CCDC40: variants seen among roughly 807,000 people sequenced by gnomAD.
CCDC40 encodes coiled-coil domain 40 molecular ruler complex subunit, also known as coiled-coil domain-containing protein 40.
CCDC40 carries 104 observed loss-of-function variants against 124.5 expected under a neutral mutation model. That is an observed-to-expected ratio of 0.84 (90% confidence interval 0.71 to 0.98). The LOEUF (loss-of-function observed/expected upper bound fraction) is 0.98. Among genes scored for constraint, CCDC40 ranks in the 50% least tolerant of loss-of-function variants. The probability of loss-of-function intolerance (pLI) is 0.00; values close to 1 mark genes in which losing one functional copy is unlikely to be tolerated. For missense variants in CCDC40, 1,463 were observed against 1,503.9 expected, an observed-to-expected ratio of 0.97 and a Z score of 0.45; for synonymous variants, 580 against 602.9, an observed-to-expected ratio of 0.96 and a Z score of 0.56.
At position 80,081,801 on chromosome 17, in the gene CCDC40, C is replaced by T; in HGVS notation, c.1806+12C>T. The T allele has an allele frequency of 6.2e-7, 1 of 1,613,878 alleles. No individual in the cohort carries two copies. The highest frequency in any genetic ancestry group is 8.5e-7 in the Non-Finnish European group (1 of 1,179,996). Reference sequence around the variant, plus strand: ...GCCAGGACCAGCTGGTGAGGCCGGGCCCGCCCCACAGGTCACACCTGGCGC... The same window carrying T: ...GCCAGGACCAGCTGGTGAGGCCGGGTCCGCCCCACAGGTCACACCTGGCGC... On this transcript the variant is annotated intron_variant, in intron 11 of 19. Coordinates refer to ENST00000397545, the MANE Select transcript of CCDC40 (RefSeq NM_017950.4).
chr17:80,087,212 G>A lies in CCDC40; in HGVS notation c.2450-395G>A. On this transcript the variant is annotated intron_variant, in intron 14 of 19. Coordinates refer to ENST00000397545, the MANE Select transcript of CCDC40 (RefSeq NM_017950.4). The surrounding 1 kb of genome is among the most constrained non-coding windows in gnomAD (Gnocchi z 4.5). ...TGAGCTTGGCTGGGGCAGGGCAGGGGTCTAAGGGCCTCCCTCTCCTGGAGA... is the reference window on the plus strand; with the variant it reads ...TGAGCTTGGCTGGGGCAGGGCAGGGATCTAAGGGCCTCCCTCTCCTGGAGA... 1 of 332,004 alleles carries A rather than the reference G, an allele frequency of 3.0e-6. No homozygotes were observed. The highest frequency in any genetic ancestry group is 5.9e-6 in the Non-Finnish European group (1 of 169,612). 20.6% of individuals were successfully genotyped at this position (332,004 alleles called of 1,614,324 possible).
chr17:80,051,628 CAAAAAAAAAAAAAAA>C (rs200887220), intron 7 of CCDC40, among the ~76,000 whole-genome samples: 16 of 94,136 alleles, frequency 1.7e-4, no homozygotes, highest in Admixed American at 8.2e-4. Context: ...GACTCCGTCT[CAAAAAAAAAAAAAAA>C]AAAAAAAAAA....
At chr17:80,037,417 C>G (rs1011772002) in intron 1 of CCDC40, among the ~76,000 whole-genome samples, 2 of 151,812 alleles carry the variant, frequency 1.3e-5, no homozygotes, top group Non-Finnish European at 2.9e-5. Flanking sequence ...AAAGGTGGGT[C>G]TGTATGTATT....
Position 80,087,666 on chromosome 17 carries a change from G to C in CCDC40, c.2509G>C (p.Asp837His). The C allele has an allele frequency of 6.2e-7, 1 of 1,614,046 alleles. No individual in the cohort carries two copies. The highest frequency in any genetic ancestry group is 8.5e-7 in the Non-Finnish European group (1 of 1,179,904). ...GATCGAGCACCACATGAAGGACCTG[G>C]ACAACGACCTGAAGAAGCTCAACAT... is the stretch of plus-strand genomic sequence containing the variant. ...KEIEHHMKDLDNDLKKLNMLM... is the reference protein window; with the variant it reads ...KEIEHHMKDLHNDLKKLNMLM... The change falls in exon 15 of 20, where the codon GAC (aspartate) becomes CAC (histidine). Residue 837 changes from aspartate (D) to histidine (H), a missense_variant. Transcript: ENST00000397545. This position sits in a 1 kb window ranked among gnomAD's most constrained non-coding sequence, Gnocchi z 4.5.
Position 80,036,711 on chromosome 17 carries a change from A to C in CCDC40, c.29+20A>C, listed in dbSNP as rs1008672106. ...GGGCCGGTAAGCCGGGCCGAGGGGC[A>C]GCGGGTCTTGGAGTCGCCAGGCCGC... On this transcript the variant is annotated intron_variant, in intron 1 of 19. Coordinates refer to ENST00000397545, the MANE Select transcript of CCDC40 (RefSeq NM_017950.4). The C allele has an allele frequency of 4.1e-6, 6 of 1,463,848 alleles. No homozygotes were observed. Among genetic ancestry groups the C allele is most frequent in the Non-Finnish European group, 5.4e-6 (6 of 1,108,736 alleles). 90.7% of individuals were successfully genotyped at this position (1,463,848 alleles called of 1,614,324 possible).
chr17:80,045,122 G>A (rs1249929560), intron 3 of CCDC40, among the ~76,000 whole-genome samples: 1 of 152,212 alleles, frequency 6.6e-6, no homozygotes, highest in Non-Finnish European at 1.5e-5. Context: ...CGGAAGTGCC[G>A]TGAGACGGTG....
chr17:80,047,276 T>C lies in CCDC40; in HGVS notation c.553-3T>C, dbSNP rs779799024. On this transcript the variant is annotated splice_polypyrimidine_tract_variant and splice_region_variant and intron_variant, in intron 3 of 19. Transcript: ENST00000397545. Reference sequence around the variant, plus strand: ...GACTTAGTTTTGGTTGTTCTTGCCATAGACAGGATCCACAGAGGAGCCCCA... The same window carrying C: ...GACTTAGTTTTGGTTGTTCTTGCCACAGACAGGATCCACAGAGGAGCCCCA... The C allele has an allele frequency of 3.7e-6, 6 of 1,613,892 alleles. No individual in the cohort carries two copies. The African/African-American group carries it at 8.0e-5, about 22-fold the overall frequency.
chr17:80,039,970 G>A lies in CCDC40; in HGVS notation c.252G>A (p.Val84=). The A allele has an allele frequency of 6.2e-7, 1 of 1,613,974 alleles. No homozygotes were observed. Among genetic ancestry groups the A allele is most frequent in the South Asian group, 1.1e-5 (1 of 91,082 alleles). Residue 84 remains valine (V), a synonymous_variant, in exon 3 of 20, where the codon GTG becomes GTA. Transcript: ENST00000397545. ...CAGTGGAAGGGGAAGAGGAGGCTGTGTCCTATGGAGATGCTGAAAGCGAAG... is the reference window on the plus strand; with the variant it reads ...CAGTGGAAGGGGAAGAGGAGGCTGTATCCTATGGAGATGCTGAAAGCGAAG... ...EAAVEGEEEA[V]SYGDAESEEE... is the part of the protein sequence containing the mutation.
At position 80,057,779 on chromosome 17, in the gene CCDC40, G is replaced by A. The variant is rs527849101; in HGVS notation, c.1160-715G>A. Among the ~76,000 whole-genome samples the A allele has an allele frequency of 9.2e-5, 14 of 152,156 alleles. No homozygotes were observed. In the South Asian group the frequency reaches 2.9e-3, roughly 32 times the overall value. ...TAGTCCCAGCTACTCGGGAGGCTGA[G>A]GCAGGAGAATGGCGTGAACCCTGGG... is the stretch of plus-strand genomic sequence containing the variant. On this transcript the variant is annotated intron_variant, in intron 7 of 19. Coordinates refer to ENST00000397545, the MANE Select transcript of CCDC40 (RefSeq NM_017950.4).
intron 10 of CCDC40, among the ~76,000 whole-genome samples, chr17:80,079,355 C>T (rs1461011467): frequency 2.0e-5 from 3 of 152,086 alleles, no homozygotes; most frequent in East Asian, 3.9e-4. Flanking sequence ...GCATTATTCT[C>T]GGGTGTTTAT....
rs1015020873 is a variant in CCDC40 at position 80,038,098 on chromosome 17, T to G, written c.30-25T>G. On this transcript the variant is annotated intron_variant, in intron 1 of 19. Coordinates refer to ENST00000397545, the MANE Select transcript of CCDC40 (RefSeq NM_017950.4). ...GAAAAAGAAAGCTGTTGCTTGAAAC[T>G]GTTCAATTGTTTCTCTAAAACCAGG... 1.9e-6 allele frequency: 3 copies of G among 1,539,982 alleles called. No individual in the cohort carries two copies. In the East Asian group the frequency reaches 6.7e-5, roughly 35 times the overall value.
chr17:80,046,439 G>A (rs1209783927), intron 3 of CCDC40, among the ~76,000 whole-genome samples: 1 of 152,000 alleles, frequency 6.6e-6, no homozygotes, highest in Non-Finnish European at 1.5e-5. Context: ...AGGCTAAGGA[G>A]GGAGGATCAC....
At chr17:80,060,912 C>T (rs928637474) in intron 9 of CCDC40, among the ~76,000 whole-genome samples, 2 of 152,196 alleles carry the variant, frequency 1.3e-5, no homozygotes, top group Non-Finnish European at 2.9e-5. Context: ...TCATACCAGA[C>T]ACTAAAATAA....
chr17:80,081,642 C>T lies in CCDC40; in HGVS notation c.1659C>T (p.Ser553=), dbSNP rs2038452038. 11 of 1,614,182 alleles carry T rather than the reference C, an allele frequency of 6.8e-6. No individual in the cohort carries two copies. Among genetic ancestry groups the T allele is most frequent in the African/African-American group, 1.3e-5 (1 of 75,052 alleles). ...AAGAAAAGAACGAGAAGCTGGCGAG[C>T]ATCCTGAACCGGACAGAGACGGAAG... The part of the protein sequence containing the change: ...KEEEKNEKLA[S]ILNRTETEAT... The change falls in exon 11 of 20, where the codon AGC becomes AGT. Residue 553 remains serine, a synonymous_variant. Coordinates refer to ENST00000397545, the MANE Select transcript of CCDC40 (RefSeq NM_017950.4).
Position 80,048,592 on chromosome 17 carries a change from C to A in CCDC40, c.686C>A (p.Pro229Gln), listed in dbSNP as rs1334129277. The A allele has an allele frequency of 1.2e-6, 2 of 1,613,524 alleles. No individual in the cohort carries two copies. Among genetic ancestry groups the A allele is most frequent in the Non-Finnish European group, 8.5e-7 (1 of 1,179,758 alleles). ...EFVSQEPVIP[P>Q]GVPDAHPREG... ...CTGTCTCTCCCCCCAGTGATCCCCC[C>A]AGGGGTGCCCGATGCCCACCCCAGG... The change falls in exon 5 of 20, where the codon CCA (proline) becomes CAA (glutamine). Residue 229 changes from proline (P) to glutamine (Q), a missense_variant. Coordinates refer to ENST00000397545, the MANE Select transcript of CCDC40 (RefSeq NM_017950.4).
Position 80,053,105 on chromosome 17 carries a change from T to G in CCDC40, c.1159+2822T>G, listed in dbSNP as rs1471407784. On this transcript the variant is annotated intron_variant, in intron 7 of 19. Coordinates refer to ENST00000397545, the MANE Select transcript of CCDC40 (RefSeq NM_017950.4). ...ATCGAATCAGTGTCCGAAAGGGAGA[T>G]TTCAGGAGATGAGAGGCAATAGCCA... 2.6e-5 allele frequency among the ~76,000 whole-genome samples: 4 copies of G among 151,932 alleles called. No individual in the cohort carries two copies. In the South Asian group the frequency reaches 6.2e-4, roughly 24 times the overall value.
At chr17:80,094,260 A>G (rs2038767550) in intron 17 of CCDC40, among the ~76,000 whole-genome samples, 1 of 151,528 alleles carries the variant, frequency 6.6e-6, no homozygotes, top group African/African-American at 2.4e-5. Flanking sequence ...AAAAAAAAAA[A>G]AAATAGCCAG....
At chr17:80,080,057 C>G (rs1287390063) in intron 10 of CCDC40, among the ~76,000 whole-genome samples, 2 of 151,758 alleles carry the variant, frequency 1.3e-5, no homozygotes, top group Non-Finnish European at 2.9e-5. Context: ...GAAACCCCAT[C>G]TCTACAAAAA....
chr17:80,045,841 CAAA>C (rs34444191), intron 3 of CCDC40, among the ~76,000 whole-genome samples: 1 of 133,154 alleles, frequency 7.5e-6, no homozygotes. Context: ...CATAACCTTT[CAAA>C]AAAAAAAAAA....
Sources: gnomAD v4.1 joint callset for allele counts (sites outside exome capture counted in the v4.1 genomes callset) on GRCh38, gnomAD v4.1.1 for gene constraint, Gnocchi (gnomAD v3.1) non-coding constraint, MANE v1.5 for transcripts, NCBI Gene and HGNC (gene_info 2026-07-23, HGNC 2026-07-21) for gene names.